Variants in OR2L13 observed in about 807,000 individuals in gnomAD.
OR2L13 encodes olfactory receptor family 2 subfamily L member 13, also known as olfactory receptor 2L13.
In OR2L13, 14 loss-of-function variants were observed where a neutral mutation model predicts 15.3. The observed-to-expected ratio is 0.91, with a 90% CI of 0.60 to 1.43. The LOEUF (loss-of-function observed/expected upper bound fraction) is 1.43. Among genes scored for constraint, OR2L13 ranks in the 40% most tolerant of loss-of-function variants. The pLI is 0.00. For missense variants in OR2L13, 367 were observed against 387.9 expected, an observed-to-expected ratio of 0.95 and a Z score of 0.45; for synonymous variants, 152 against 142.9, an observed-to-expected ratio of 1.06 and a Z score of -0.45.
chr1:248,060,513 A>T, the OR2L13 span: 2 of 598,898 alleles, frequency 3.3e-6, no homozygotes, highest in Non-Finnish European at 5.9e-6. Context: ...ATTAAACTTT[A>T]TCAGAAGTAT....
chr1:247,957,213 G>A, the OR2L13 span, among the ~76,000 whole-genome samples: 4 of 152,158 alleles, frequency 2.6e-5, no homozygotes, highest in Non-Finnish European at 5.9e-5. Context: ...ATAGGTTTTT[G>A]TCATTGGTTC....
At chr1:248,096,118 C>G (rs1664733018), upstream of OR2L13, among the ~76,000 whole-genome samples, 2 of 151,946 alleles carry the variant, frequency 1.3e-5, no homozygotes, top group South Asian at 4.2e-4. Context: ...GTGGCTCATG[C>G]CTGTAATCCC....
chr1:248,043,351 G>A, the OR2L13 span, among the ~76,000 whole-genome samples: 1 of 152,060 alleles, frequency 6.6e-6, no homozygotes, highest in African/African-American at 2.4e-5. Flanking sequence ...AGTAAATTCT[G>A]CACTATATGT....
chr1:248,081,831 A>G, the OR2L13 span, among the ~76,000 whole-genome samples: 1 of 152,166 alleles, frequency 6.6e-6, no homozygotes, highest in Non-Finnish European at 1.5e-5. Context: ...ACTATCTTAA[A>G]TATATTACTG....
the OR2L13 span, among the ~76,000 whole-genome samples, chr1:247,982,006 G>A: frequency 3.8e-3 from 582 of 152,040 alleles, 5 homozygotes; most frequent in African/African-American, 0.013. Flanking sequence ...TAGTAGAGAC[G>A]GGGTTTCACC....
chr1:248,056,855 GC>G, the OR2L13 span, among the ~76,000 whole-genome samples: 36 of 151,892 alleles, frequency 2.4e-4, 1 homozygote, highest in Non-Finnish European at 5.9e-5. Context: ...TCACTGTGTT[GC>G]CCAGGCTTGT....
chr1:248,003,667 T>A, the OR2L13 span: 1 of 1,612,372 alleles, frequency 6.2e-7, no homozygotes, highest in Non-Finnish European at 8.5e-7. Context: ...TCTTCTGTGA[T>A]GTCCCAGCAA....
At chr1:247,983,904 G>T in the OR2L13 span, among the ~76,000 whole-genome samples, 2 of 152,194 alleles carry the variant, frequency 1.3e-5, no homozygotes, top group African/African-American at 4.8e-5. Flanking sequence ...CAGTAGGCAG[G>T]GTCTTTTAAT....
the OR2L13 span, among the ~76,000 whole-genome samples, chr1:247,969,443 G>A: frequency 1.1e-4 from 17 of 152,200 alleles, no homozygotes; most frequent in East Asian, 2.7e-3. Context: ...TATAACACAC[G>A]TTCCCCTATG....
the OR2L13 span, chr1:248,040,927 T>A: frequency 6.6e-6 from 1 of 152,184 alleles, no homozygotes; most frequent in African/African-American, 2.4e-5. Flanking sequence ...CTCATTTCAA[T>A]TAAGCATTTA....
chr1:247,981,917 G>A, the OR2L13 span, among the ~76,000 whole-genome samples: 1 of 151,504 alleles, frequency 6.6e-6, no homozygotes, highest in Non-Finnish European at 1.5e-5. Context: ...CCGGGTTCAC[G>A]CCATTCTCCT....
the OR2L13 span, chr1:248,022,748 G>T: frequency 1.9e-6 from 3 of 1,614,042 alleles, no homozygotes; most frequent in Non-Finnish European, 2.5e-6. Context: ...TGCGATCTCT[G>T]ACAGAGGACA....
the OR2L13 span, among the ~76,000 whole-genome samples, chr1:248,036,809 T>C: frequency 6.6e-6 from 1 of 152,198 alleles, no homozygotes; most frequent in Admixed American, 6.5e-5. Flanking sequence ...CTTTTGAAGA[T>C]GTAAAGTGAT....
chr1:247,974,139 G>A, the OR2L13 span, among the ~76,000 whole-genome samples: 2 of 152,178 alleles, frequency 1.3e-5, no homozygotes, highest in Non-Finnish European at 2.9e-5. Context: ...GGACATGGAT[G>A]AAGCTGGAAA....
the OR2L13 span, among the ~76,000 whole-genome samples, chr1:248,048,900 T>A: frequency 6.7e-6 from 1 of 150,308 alleles, no homozygotes; most frequent in Admixed American, 6.6e-5. Context: ...CCTCCCCAGC[T>A]TTTTCTTTCC....
chr1:247,956,154 C>A, the OR2L13 span, among the ~76,000 whole-genome samples: 1 of 150,872 alleles, frequency 6.6e-6, no homozygotes, highest in African/African-American at 2.4e-5. Context: ...TTTCAGCTTT[C>A]TACATATGGC....
chr1:248,038,498 T>C, the OR2L13 span: 1 of 1,613,832 alleles, frequency 6.2e-7, no homozygotes, highest in African/African-American at 1.3e-5. Context: ...CCACCATTGT[T>C]CCAAAGATGG....
chr1:248,038,545 TC>T, the OR2L13 span: 318 of 1,614,210 alleles, frequency 2.0e-4, no homozygotes, highest in Non-Finnish European at 2.7e-4. Flanking sequence ...TCTATCTCCT[TC>T]ACTGGATGTG....
the OR2L13 span, among the ~76,000 whole-genome samples, chr1:247,940,685 T>C: frequency 6.6e-6 from 1 of 151,938 alleles, no homozygotes; most frequent in African/African-American, 2.4e-5. Context: ...TATGAATGCA[T>C]GTGCCTTTTT....
Sources: allele counts gnomAD v4.1 joint callset (sites outside exome capture counted in the v4.1 genomes callset), GRCh38; gene constraint gnomAD v4.1.1; transcripts MANE v1.5; gene names NCBI Gene and HGNC (gene_info 2026-07-23, HGNC 2026-07-21).